Variants in GMPR observed in about 807,000 individuals in gnomAD.
The protein encoded by GMPR is guanosine monophosphate reductase.
A neutral mutation model predicts 38.4 loss-of-function variants in GMPR; 31 were observed. That is an observed-to-expected ratio of 0.81 (90% CI 0.61 to 1.09). The LOEUF is 1.09. Ranked by LOEUF, GMPR falls within the 50% of genes least tolerant of loss-of-function variation. GMPR has a pLI of 0.00. For synonymous variants in GMPR, 162 were observed against 173.3 expected, an observed-to-expected ratio of 0.93 and a Z score of 0.51; for missense variants, 468 against 453.7, an observed-to-expected ratio of 1.03 and a Z score of -0.29.
At chr6:16,269,007 AAAAC>A (rs1347446749) in intron 4 of GMPR, among the ~76,000 whole-genome samples, 3 of 151,900 alleles carry the variant, frequency 2.0e-5, no homozygotes, top group African/African-American at 7.2e-5. Context: ...AATTATTTAA[AAAAC>A]AAAAATTTTA....
At chr6:16,291,777 G>A (rs1247500308) in intron 8 of GMPR, among the ~76,000 whole-genome samples, 3 of 152,068 alleles carry the variant, frequency 2.0e-5, no homozygotes, top group Admixed American at 6.6e-5. Flanking sequence ...TGGGTGTGGT[G>A]TCACATGACT....
chr6:16,247,424 G>T (rs1758780337), intron 2 of GMPR, among the ~76,000 whole-genome samples: 1 of 151,590 alleles, frequency 6.6e-6, no homozygotes, highest in Non-Finnish European at 1.5e-5. Flanking sequence ...GCCCAGGCTG[G>T]AGTACAGTGA....
intron 4 of GMPR, among the ~76,000 whole-genome samples, chr6:16,274,157 G>A (rs554794216): frequency 1.3e-5 from 2 of 152,192 alleles, no homozygotes; most frequent in South Asian, 4.2e-4. Context: ...TGAGATGTCT[G>A]AAAAGCCCTG....
intron 5 of GMPR, among the ~76,000 whole-genome samples, chr6:16,274,721 G>T (rs1192071919): frequency 1.3e-5 from 2 of 152,206 alleles, no homozygotes; most frequent in Admixed American, 1.3e-4. Flanking sequence ...ATTATGGTTA[G>T]AATATATGGA....
chr6:16,260,971 A>G (rs1392597272), intron 4 of GMPR, among the ~76,000 whole-genome samples: 5 of 152,070 alleles, frequency 3.3e-5, no homozygotes, highest in African/African-American at 1.2e-4. Context: ...TGCGTCAGGT[A>G]TGAGGAAGAA....
chr6:16,260,924 T>G (rs918554449), intron 4 of GMPR, among the ~76,000 whole-genome samples: 14 of 151,308 alleles, frequency 9.3e-5, no homozygotes, highest in East Asian at 1.9e-4. Context: ...TAACAAAGAG[T>G]GAGTACAGCT....
intron 6 of GMPR, among the ~76,000 whole-genome samples, chr6:16,282,679 ACTC>A (rs1205882712): frequency 6.7e-6 from 1 of 149,630 alleles, no homozygotes; most frequent in Non-Finnish European, 1.5e-5. Flanking sequence ...ACTGATTTGA[ACTC>A]CTTTCTCTGC....
At chr6:16,288,688 C>T (rs548901141) in intron 7 of GMPR, among the ~76,000 whole-genome samples, 6 of 152,344 alleles carry the variant, frequency 3.9e-5, no homozygotes, top group South Asian at 4.1e-4. Flanking sequence ...AGCCCCAGTG[C>T]GGATCCACTG....
intron 3 of GMPR, among the ~76,000 whole-genome samples, chr6:16,254,256 G>A (rs1561821386): frequency 6.6e-6 from 1 of 152,076 alleles, no homozygotes; most frequent in Non-Finnish European, 1.5e-5. Flanking sequence ...AGTAGAGATG[G>A]GGTTTCACCA....
At position 16,254,611 on chromosome 6, in the gene GMPR, C is replaced by T. The variant is rs1758937775; in HGVS notation, c.341C>T (p.Thr114Ile). The T allele has an allele frequency of 1.2e-6, 2 of 1,613,632 alleles. No homozygotes were observed. The highest frequency in any genetic ancestry group is 8.5e-7 in the Non-Finnish European group (1 of 1,179,638). Residue 114 changes from threonine (T) to isoleucine (I), a missense_variant, in exon 4 of 9, where the codon ACC becomes ATC. Coordinates refer to ENST00000259727, the MANE Select transcript of GMPR (RefSeq NM_006877.4). ...GSGQNDLEKMTSILEAVPQVK... is the reference protein window; with the variant it reads ...GSGQNDLEKMISILEAVPQVK... ...GGGCAGAATGATCTGGAAAAGATGA[C>T]CAGCATCCTGGAAGCTGTGCCACAG...
chr6:16,243,881 C>CTG (rs888373899), intron 1 of GMPR, among the ~76,000 whole-genome samples: 1 of 152,222 alleles, frequency 6.6e-6, no homozygotes, highest in African/African-American at 2.4e-5. Context: ...ACCCATGATG[C>CTG]TGGTGTGCTC....
At chr6:16,245,231 G>A (rs1444617263) in intron 1 of GMPR, among the ~76,000 whole-genome samples, 3 of 152,162 alleles carry the variant, frequency 2.0e-5, no homozygotes, top group Non-Finnish European at 2.9e-5. Context: ...GCGTAGGTTC[G>A]TGCACTTCCA....
chr6:16,286,090 C>T (rs2113702441), intron 7 of GMPR, among the ~76,000 whole-genome samples: 1 of 152,236 alleles, frequency 6.6e-6, no homozygotes, highest in South Asian at 2.1e-4. Flanking sequence ...GCCTTTTCAT[C>T]CCAGGGAAGA....
At chr6:16,264,279 A>G in intron 4 of GMPR, 1 of 162,224 alleles carries the variant, frequency 6.2e-6, no homozygotes, top group Non-Finnish European at 1.3e-5. Context: ...CCAAGATTGA[A>G]AGGAGAGAGG....
intron 6 of GMPR, among the ~76,000 whole-genome samples, chr6:16,285,033 C>CAAAAAAAAAAAAAAAAA (rs11370216): frequency 1.8e-5 from 2 of 108,592 alleles, no homozygotes; most frequent in Non-Finnish European, 3.8e-5. Flanking sequence ...AAAAAAAAAA[C>CAAAAAAAAAAAAAAAAA]AAAAAAAAAA....
Position 16,278,898 on chromosome 6 carries a change from TC to T in GMPR, c.654+10del, listed in dbSNP as rs761599582. ...AAGGGCCACATCATCTCTGTGAGTC[TC>T]CACCCGGGGCTGAGGCTGGGGTGTC... On this transcript the variant is annotated intron_variant, in intron 6 of 8. Transcript: ENST00000259727. The T allele has an allele frequency of 3.0e-5, 47 of 1,576,746 alleles. No individual in the cohort carries two copies. The highest frequency in any genetic ancestry group is 3.9e-5 in the Non-Finnish European group (45 of 1,147,770).
chr6:16,268,226 G>A (rs1271050587), intron 4 of GMPR, among the ~76,000 whole-genome samples: 1 of 152,204 alleles, frequency 6.6e-6, no homozygotes, highest in African/African-American at 2.4e-5. Flanking sequence ...AGTTTAACAT[G>A]GCTGTTGCCT....
chr6:16,247,501 A>G (rs1426791794), intron 2 of GMPR, among the ~76,000 whole-genome samples: 1 of 151,996 alleles, frequency 6.6e-6, no homozygotes, highest in Non-Finnish European at 1.5e-5. Flanking sequence ...CAGCCTCCCA[A>G]GTAGCTAGGA....
At chr6:16,252,740 T>A (rs1302938307) in intron 3 of GMPR, among the ~76,000 whole-genome samples, 4 of 151,648 alleles carry the variant, frequency 2.6e-5, no homozygotes, top group Admixed American at 2.0e-4. Flanking sequence ...TAGACAGAAA[T>A]GAAGTAAGAT....
Sources: gnomAD v4.1 joint callset for allele counts (sites outside exome capture counted in the v4.1 genomes callset) on GRCh38, gnomAD v4.1.1 for gene constraint, MANE v1.5 for transcripts, NCBI Gene and HGNC (gene_info 2026-07-23, HGNC 2026-07-21) for gene names.